ODF2: variants seen among roughly 807,000 people sequenced by gnomAD.
ODF2 encodes the protein outer dense fiber of sperm tails 2, also known as outer dense fiber protein 2.
Under a neutral mutation model 110.2 loss-of-function variants are expected in ODF2, and 47 were observed. That is an observed-to-expected ratio of 0.43 (90% CI 0.34 to 0.54). ODF2 has a LOEUF of 0.54. Among genes scored for constraint, ODF2 ranks in the 20% least tolerant of loss-of-function variants. The pLI is 0.03. For missense variants in ODF2, 812 were observed against 1,054.5 expected (o/e 0.77, Z 3.19); for synonymous variants, 352 against 397.7 (o/e 0.89, Z 1.37).
At chr9:128,489,761 G>T (rs1021183882) in intron 14 of ODF2, among the ~76,000 whole-genome samples, 1 of 152,118 alleles carries the variant, frequency 6.6e-6, no homozygotes, top group Non-Finnish European at 1.5e-5. Flanking sequence ...GTCATCATGG[G>T]GTGTGCATTA....
rs1180801074 is a variant in ODF2, at chr9:128,492,471, G to A, written c.1582G>A (p.Glu528Lys). The change falls in exon 15 of 21, where the codon GAG becomes AAG. Residue 528 changes from glutamate (E) to lysine (K), a missense_variant. Glu to Lys is a moderately conservative substitution (Grantham distance 56). This residue lies in a region of ODF2 where 165 missense variants were observed against 293.4 expected (regional missense o/e 0.56). Coordinates refer to ENST00000604420, the Ensembl canonical transcript of ODF2. ...GGACAAACTCAACCAGGCACACCTCGAGGTCCAGCAGCTGAAGGCCTCAGT... is the reference window on the plus strand; with the variant it reads ...GGACAAACTCAACCAGGCACACCTCAAGGTCCAGCAGCTGAAGGCCTCAGT... 3 of 1,613,888 alleles carry A rather than the reference G, an allele frequency of 1.9e-6. No individual in the cohort carries two copies. The highest frequency in any genetic ancestry group is 2.5e-6 in the Non-Finnish European group (3 of 1,179,974).
intron 18 of ODF2, 197 bp downstream of exon 18, chr9:128,496,338 G>A (rs1440986493): frequency 5.5e-6 from 8 of 1,449,834 alleles, no homozygotes; most frequent in Non-Finnish European, 7.3e-6. Flanking sequence ...TCTCAGCCTG[G>A]GGAGACACTC....
At chr9:128,492,675 T>A (rs778663695) in intron 15 of ODF2, 26 bp from the exon 16 acceptor site, 1 of 1,602,420 alleles carries the variant, frequency 6.2e-7, no homozygotes. Context: ...CTACCTAAGA[T>A]GAACCACAGT....
chr9:128,455,553 CAAAAAAAAAAAAAAAAAAAAAAAAA>C (rs55634490), upstream of ODF2, among the ~76,000 whole-genome samples: 11 of 56,850 alleles, frequency 1.9e-4, no homozygotes, highest in South Asian at 7.2e-4. Context: ...GAATCTGTCT[CAAAAAAAAAAAAAAAAAAAAAAAAA>C]AAAAAAAAAA....
At chr9:128,460,772 T>C in intron 3 of ODF2, 106 bp downstream of exon 3, 2 of 1,529,820 alleles carry the variant, frequency 1.3e-6, no homozygotes, top group Non-Finnish European at 1.8e-6. Context: ...ACAAACACAC[T>C]CTTTCGGAGG....
In ODF2 at chr9:128,499,081, C is replaced by T. The variant is rs1393163203; in HGVS notation, c.2256C>T (p.Ser752=). Residue 752 remains serine (S), a synonymous_variant, in exon 20 of 21, where the codon AGC becomes AGT. Transcript: ENST00000604420. ...TCCTGGACCTTGAGACCCAGCTGAG[C>T]AGAACCAAAACGGAATTGAGCCAGC... The T allele has an allele frequency of 5.6e-6, 9 of 1,614,036 alleles. No individual in the cohort carries two copies. The African/African-American group carries it at 8.0e-5, about 14-fold the overall frequency.
intron 14 of ODF2, among the ~76,000 whole-genome samples, chr9:128,491,583 G>T (rs1472703149): frequency 1.3e-5 from 2 of 151,726 alleles, no homozygotes; most frequent in African/African-American, 4.8e-5. Flanking sequence ...AGAATAGCTT[G>T]AACCTGGGAG....
At chr9:128,470,915 GT>G (rs59215056) in intron 5 of ODF2, among the ~76,000 whole-genome samples, 129,698 of 139,446 alleles carry the variant, frequency 0.93, 60,422 homozygotes, top group Middle Eastern at 0.98. Flanking sequence ...TTTTGTTTTT[GT>G]TTTTTTTTTT....
intron 14 of ODF2, 128 bp downstream of exon 14, chr9:128,488,153 C>A: frequency 3.5e-6 from 4 of 1,129,496 alleles, no homozygotes; most frequent in Non-Finnish European, 5.0e-6. Flanking sequence ...TTTGACCAGG[C>A]ATGGTGGCTT....
Position 128,494,483 on chromosome 9 carries a change from C to A in ODF2, c.1753-27C>A, listed in dbSNP as rs1026177485. On this transcript the variant is annotated intron_variant, in intron 16 of 20. Coordinates refer to ENST00000604420, the Ensembl canonical transcript of ODF2. The surrounding 1 kb of genome is among the most constrained non-coding windows in gnomAD (Gnocchi z 4.6). Reference sequence around the variant, plus strand: ...CTTTCCTAACTGTGGGTCTTTCCTTCCTGTGGGTCTTTCCTTCCTGTTTCA... The same window carrying A: ...CTTTCCTAACTGTGGGTCTTTCCTTACTGTGGGTCTTTCCTTCCTGTTTCA... The A allele has an allele frequency of 6.2e-7, 1 of 1,602,806 alleles. No homozygotes were observed. Among genetic ancestry groups the A allele is most frequent in the Middle Eastern group, 1.7e-4 (1 of 6,042 alleles).
chr9:128,491,866 C>CTTTTTTT (rs753406341), intron 14 of ODF2, among the ~76,000 whole-genome samples: 3 of 130,950 alleles, frequency 2.3e-5, no homozygotes, highest in Non-Finnish European at 5.0e-5. Context: ...TCCCCATTTT[C>CTTTTTTT]TTTTTTTTTT....
intron 9 of ODF2, 109 bp downstream of exon 9, chr9:128,481,760 G>A (rs547919048): frequency 1.1e-5 from 9 of 797,596 alleles, no homozygotes; most frequent in African/African-American, 3.5e-5. Context: ...GGAGCATTTC[G>A]CTAGGTCTTA....
intron 13 of ODF2, 80 bp from the exon 14 acceptor site, chr9:128,487,800 ACAAAACACAC>A: frequency 8.3e-7 from 1 of 1,210,160 alleles, no homozygotes; most frequent in African/African-American, 2.8e-5. Context: ...AAACAAACAA[ACAAAACACAC>A]ACACACACAC....
intron 5 of ODF2, among the ~76,000 whole-genome samples, chr9:128,470,030 T>A (rs1250839280): frequency 1.4e-4 from 9 of 62,498 alleles, no homozygotes; most frequent in Admixed American, 2.2e-4. Context: ...TATATATATA[T>A]ATATATATAT....
intron 4 of ODF2, among the ~76,000 whole-genome samples, chr9:128,466,203 C>T (rs1461423336): frequency 2.0e-5 from 3 of 151,932 alleles, no homozygotes; most frequent in East Asian, 1.9e-4. Context: ...TGGTGTCTCA[C>T]GCCTGTAATC....
chr9:128,473,078 T>C (rs370325192), intron 7 of ODF2, 36 bp downstream of exon 7: 12 of 1,612,668 alleles, frequency 7.4e-6, no homozygotes, highest in Non-Finnish European at 1.0e-5. Context: ...GCCATGGAAC[T>C]GGCCTCGGGA....
At chr9:128,464,136 C>T (rs1485208214) in intron 4 of ODF2, among the ~76,000 whole-genome samples, 1 of 149,252 alleles carries the variant, frequency 6.7e-6, no homozygotes, top group East Asian at 2.0e-4. Context: ...TGAGCCACCA[C>T]CACGCACAGC....
chr9:128,500,239 G>A (rs199905507), exon 21 of ODF2: 163 of 1,613,992 alleles, frequency 1.0e-4, no homozygotes, highest in Middle Eastern at 3.3e-4. Context: ...ATCCGCTCCC[G>A]ATCTCCTCCT....
exon 6 of ODF2, chr9:128,471,417 C>G: frequency 6.2e-7 from 1 of 1,613,148 alleles, no homozygotes; most frequent in Non-Finnish European, 8.5e-7. Flanking sequence ...CACGAGAACA[C>G]GGTGTTGAGG....
Sources: gnomAD v4.1 joint callset for allele counts (sites outside exome capture counted in the v4.1 genomes callset) on GRCh38, gnomAD v4.1.1 for gene constraint, gnomAD v4.1.1 regional missense constraint, Gnocchi (gnomAD v3.1) non-coding constraint, MANE v1.5 for transcripts, NCBI Gene and HGNC (gene_info 2026-07-23, HGNC 2026-07-21) for gene names.